The following FGF9 variants were observed in gnomAD, a reference collection of about 807,000 sequenced individuals.
FGF9 encodes the protein fibroblast growth factor 9.
Under a neutral mutation model 19.9 loss-of-function variants are expected in FGF9, and 3 were observed. That is an observed-to-expected ratio of 0.15 (90% CI 0.07 to 0.39). The LOEUF is 0.39. Ranked by LOEUF, FGF9 falls within the 10% of genes least tolerant of loss-of-function variation. The pLI is 1.00. For missense variants in FGF9, 175 were observed against 256.8 expected, an observed-to-expected ratio of 0.68 and a Z score of 2.18; for synonymous variants, 107 against 106.9, an observed-to-expected ratio of 1.00 and a Z score of -0.01.
intron 1 of FGF9, among the ~76,000 whole-genome samples, chr13:21,675,677 G>T (rs1212194504): frequency 6.6e-6 from 1 of 152,206 alleles, no homozygotes; most frequent in Admixed American, 6.5e-5. Flanking sequence ...AACTGTAGGT[G>T]GGGGGTGCGG....
intron 2 of FGF9, among the ~76,000 whole-genome samples, chr13:21,695,912 A>G (rs1872401236): frequency 6.6e-6 from 1 of 152,224 alleles, no homozygotes; most frequent in South Asian, 2.1e-4. Flanking sequence ...ATTGAGTAGA[A>G]TAAATGCAAA....
intron 2 of FGF9, among the ~76,000 whole-genome samples, chr13:21,682,819 C>A (rs950183587): frequency 6.7e-5 from 10 of 149,924 alleles, no homozygotes; most frequent in Non-Finnish European, 1.3e-4. Flanking sequence ...GTAGATGGAA[C>A]TTTATCACAG....
chr13:21,687,881 TA>T (rs1325735714), intron 2 of FGF9, among the ~76,000 whole-genome samples: 1 of 152,206 alleles, frequency 6.6e-6, no homozygotes, highest in Non-Finnish European at 1.5e-5. Context: ...TGGATACCCT[TA>T]AAACAATTCT....
At chr13:21,697,069 G>A (rs972185538) in intron 2 of FGF9, among the ~76,000 whole-genome samples, 7 of 152,200 alleles carry the variant, frequency 4.6e-5, no homozygotes, top group African/African-American at 1.7e-4. Context: ...GTTGACTGAA[G>A]TTATATAACC....
At chr13:21,693,691 G>T (rs917936918) in intron 2 of FGF9, among the ~76,000 whole-genome samples, 1 of 152,192 alleles carries the variant, frequency 6.6e-6, no homozygotes, top group Non-Finnish European at 1.5e-5. Context: ...ACATTGGGAA[G>T]AGGATGCGGC....
intron 2 of FGF9, among the ~76,000 whole-genome samples, chr13:21,682,561 G>T (rs918640883): frequency 2.6e-5 from 4 of 151,918 alleles, no homozygotes; most frequent in African/African-American, 9.7e-5. Flanking sequence ...AAACACAGTG[G>T]ATGGTTTAGG....
intron 1 of FGF9, among the ~76,000 whole-genome samples, chr13:21,678,928 C>T (rs1191226952): frequency 1.3e-5 from 2 of 152,154 alleles, no homozygotes; most frequent in Non-Finnish European, 2.9e-5. Context: ...TATTCACATA[C>T]ATGTGACTGC....
At position 21,671,420 on chromosome 13, in the gene FGF9, G is replaced by A; in HGVS notation, c.-493G>A. 1 of 414,070 alleles carries A rather than the reference G, an allele frequency of 2.4e-6. No individual in the cohort carries two copies. The highest frequency in any genetic ancestry group is 4.2e-6 in the Non-Finnish European group (1 of 235,434). 25.6% of individuals were successfully genotyped at this position (414,070 alleles called of 1,614,324 possible). On this transcript the variant is annotated 5_prime_UTR_variant, in exon 1 of 3. Coordinates refer to ENST00000382353, the MANE Select transcript of FGF9 (RefSeq NM_002010.3). ...GATTCATGCTGATGTCTGCAGAGTC[G>A]GTTAGAGAGTAAAAACAGCGCATGC...
intron 2 of FGF9, among the ~76,000 whole-genome samples, chr13:21,686,928 G>A (rs1872176704): frequency 6.6e-6 from 1 of 152,192 alleles, no homozygotes; most frequent in South Asian, 2.1e-4. Context: ...CCCAAAACTT[G>A]TAGATGCAGA....
At chr13:21,683,861 A>G (rs1386310193) in intron 2 of FGF9, among the ~76,000 whole-genome samples, 7 of 152,240 alleles carry the variant, frequency 4.6e-5, no homozygotes, top group Admixed American at 4.6e-4. Context: ...TCACTTGTGC[A>G]CAGAGATCCC....
chr13:21,671,940 T>G lies in FGF9; in HGVS notation c.28T>G (p.Tyr10Asp). The G allele has an allele frequency of 6.2e-7, 1 of 1,614,210 alleles. No individual in the cohort carries two copies. Among genetic ancestry groups the G allele is most frequent in the Non-Finnish European group, 8.5e-7 (1 of 1,180,034 alleles). The change falls in exon 1 of 3, where the codon TAT becomes GAT. Residue 10 changes from tyrosine (Y) to aspartate (D), a missense_variant. Transcript: ENST00000382353. MAPLGEVGN[Y>D]FGVQDAVPFG... ...GGCTCCCTTAGGTGAAGTTGGGAAC[T>G]ATTTCGGTGTGCAGGATGCGGTACC...
At chr13:21,683,708 A>G (rs1382709352) in intron 2 of FGF9, among the ~76,000 whole-genome samples, 1 of 152,242 alleles carries the variant, frequency 6.6e-6, no homozygotes, top group South Asian at 2.1e-4. Flanking sequence ...GCTCCAAGGA[A>G]GGGTGGCTGT....
At chr13:21,674,514 C>T (rs1871856925) in intron 1 of FGF9, among the ~76,000 whole-genome samples, 1 of 141,296 alleles carries the variant, frequency 7.1e-6, no homozygotes, top group Non-Finnish European at 1.6e-5. Flanking sequence ...GGGGTGTGCG[C>T]GGGAGCGCGG....
At chr13:21,698,894 A>T (rs1250715216) in intron 2 of FGF9, among the ~76,000 whole-genome samples, 2 of 151,824 alleles carry the variant, frequency 1.3e-5, no homozygotes, top group African/African-American at 4.9e-5. Flanking sequence ...TATTAATGAT[A>T]AAAAAATGCA....
Position 21,672,318 on chromosome 13 carries a change from GTC to G in FGF9, c.277+143_277+144del, listed in dbSNP as rs367885332. On this transcript the variant is annotated intron_variant, in intron 1 of 2. Coordinates refer to ENST00000382353, the MANE Select transcript of FGF9 (RefSeq NM_002010.3). This position sits in a 1 kb window ranked among gnomAD's most constrained non-coding sequence, Gnocchi z 4.2. ...TCCTCCCCTCTTTCTCTGTATCTCT[GTC>G]TCTCTCTCTCTCTGTCTTGCCAGCT... The G allele has an allele frequency of 0.023, 19,860 of 878,142 alleles. No individual in the cohort carries two copies. The highest frequency in any genetic ancestry group is 0.033 in the South Asian group (1,987 of 60,436). The allele number at this position is 878,142 out of a possible 1,614,324, so 54.4% of individuals were successfully genotyped here.
In FGF9 at chr13:21,699,068, A is replaced by G. The variant is rs553743131; in HGVS notation, c.382-2122A>G. On this transcript the variant is annotated intron_variant, in intron 2 of 2. Coordinates refer to ENST00000382353, the MANE Select transcript of FGF9 (RefSeq NM_002010.3). ...TAAACTTCTATCCGTTTCAATAGAG[A>G]TGAGAGGGAAGTCACATTCAGCCCA... Among the ~76,000 whole-genome samples the G allele has an allele frequency of 2.6e-5, 4 of 152,330 alleles. No homozygotes were observed. The South Asian group carries it at 8.3e-4, about 32-fold the overall frequency.
chr13:21,696,858 G>T (rs1467515973), intron 2 of FGF9, among the ~76,000 whole-genome samples: 1 of 152,124 alleles, frequency 6.6e-6, no homozygotes, highest in Non-Finnish European at 1.5e-5. Context: ...TCACACATTG[G>T]CATAATCCCC....
intron 1 of FGF9, among the ~76,000 whole-genome samples, chr13:21,677,419 T>C (rs1593091227): frequency 6.6e-6 from 1 of 152,320 alleles, no homozygotes; most frequent in East Asian, 1.9e-4. Flanking sequence ...TGGCTGTTAT[T>C]GATCCAGCCC....
chr13:21,683,003 A>G (rs1872078652), intron 2 of FGF9, among the ~76,000 whole-genome samples: 1 of 152,218 alleles, frequency 6.6e-6, no homozygotes, highest in Non-Finnish European at 1.5e-5. Flanking sequence ...TTTATAAGAG[A>G]TACAGCAAAG....
Sources: gnomAD v4.1 joint callset for allele counts (sites outside exome capture counted in the v4.1 genomes callset) on GRCh38, gnomAD v4.1.1 for gene constraint, Gnocchi (gnomAD v3.1) non-coding constraint, MANE v1.5 for transcripts, NCBI Gene and HGNC (gene_info 2026-07-23, HGNC 2026-07-21) for gene names.